VPS35L: variants seen among roughly 807,000 people sequenced by gnomAD.
VPS35L encodes VPS35 endosomal protein-sorting factor-like.
VPS35L carries 83 observed loss-of-function variants against 133.0 expected under a neutral mutation model. The ratio of observed to expected loss-of-function variants is 0.62; its 90% CI spans 0.52 to 0.75. The LOEUF (loss-of-function observed/expected upper bound fraction) is 0.75. Ranked by LOEUF, VPS35L falls within the 30% of genes least tolerant of loss-of-function variation. The pLI is 0.00. For synonymous variants in VPS35L, 423 were observed against 449.9 expected (o/e 0.94, Z 0.76); for missense variants, 1,083 against 1,206.8 (o/e 0.90, Z 1.52).
chr16:19,604,052 C>T (rs535235498), intron 9 of VPS35L, among the ~76,000 whole-genome samples: 1 of 152,030 alleles, frequency 6.6e-6, no homozygotes, highest in South Asian at 2.1e-4. Flanking sequence ...ATTTAATATA[C>T]ACTTGCCAGC....
intron 24 of VPS35L, among the ~76,000 whole-genome samples, chr16:19,649,830 A>G (rs1428051468): frequency 2.0e-5 from 3 of 152,210 alleles, no homozygotes; most frequent in East Asian, 1.9e-4. Flanking sequence ...TTTAGAAACT[A>G]TCTGGAAATC....
chr16:19,652,333 T>C (rs1456663202), intron 26 of VPS35L: 13 of 337,602 alleles, frequency 3.9e-5, no homozygotes, highest in East Asian at 2.6e-4. Context: ...ACAGCTAATG[T>C]TTTTATTTTT....
chr16:19,693,866 G>A (rs1975797877), intron 29 of VPS35L, among the ~76,000 whole-genome samples: 1 of 150,524 alleles, frequency 6.6e-6, no homozygotes, highest in Non-Finnish European at 1.5e-5. Flanking sequence ...GGAATTGAAG[G>A]CTGCGGCGGG....
chr16:19,634,488 G>A (rs1395212246), intron 19 of VPS35L, among the ~76,000 whole-genome samples: 1 of 151,764 alleles, frequency 6.6e-6, no homozygotes, highest in Non-Finnish European at 1.5e-5. Context: ...GCTTTTGAAG[G>A]GGCTCTCACT....
intron 9 of VPS35L, among the ~76,000 whole-genome samples, chr16:19,602,765 G>T (rs1972425577): frequency 6.6e-6 from 1 of 151,988 alleles, no homozygotes; most frequent in South Asian, 2.1e-4. Flanking sequence ...ACCACACCTG[G>T]CTAATTTTTG....
intron 29 of VPS35L, among the ~76,000 whole-genome samples, chr16:19,697,080 C>T (rs188713718): frequency 2.0e-5 from 3 of 152,076 alleles, no homozygotes; most frequent in East Asian, 1.9e-4. Flanking sequence ...AGCCAGTTTG[C>T]GAGTCCGTGC....
chr16:19,699,766 C>T lies in VPS35L; in HGVS notation c.2793+118C>T, dbSNP rs1244336192. The T allele has an allele frequency of 3.0e-6, 4 of 1,344,190 alleles. No homozygotes were observed. Among genetic ancestry groups the T allele is most frequent in the Non-Finnish European group, 4.1e-6 (4 of 977,722 alleles). 83.3% of individuals were successfully genotyped at this position (1,344,190 alleles called of 1,614,324 possible). The stretch of plus-strand genomic sequence containing the variant: ...ACCCCATACTCCCCTTTTAGAAAAG[C>T]ACTTGGTCCATTTCTACTGGATCAC... On this transcript the variant is annotated intron_variant, in intron 30 of 30. Transcript: ENST00000417362. The surrounding 1 kb of genome is among the most constrained non-coding windows in gnomAD (Gnocchi z 4.2).
chr16:19,575,995 A>T (rs1325747586), intron 5 of VPS35L, among the ~76,000 whole-genome samples: 1 of 136,510 alleles, frequency 7.3e-6, no homozygotes, highest in Non-Finnish European at 1.6e-5. Flanking sequence ...ATCTCTACTA[A>T]AAAAAAAAAA....
intron 8 of VPS35L, among the ~76,000 whole-genome samples, chr16:19,597,028 A>G (rs1972237583): frequency 7.3e-6 from 1 of 136,800 alleles, no homozygotes; most frequent in African/African-American, 2.5e-5. Context: ...CAGAAAAACA[A>G]TCAAACCAAC....
In VPS35L at chr16:19,608,429, A is replaced by G. The variant is rs9927026; in HGVS notation, c.881+155A>G. 5,305 of 617,862 alleles carry G rather than the reference A, an allele frequency of 8.6e-3. 232 individuals carry two copies. The African/African-American group carries it at 0.089, about 10-fold the overall frequency. The allele number at this position is 617,862 out of a possible 1,614,324, so 38.3% of individuals were successfully genotyped here. A position where few individuals can be genotyped will look rare whatever the true frequency, so the allele number is the denominator to read the frequency against. Reference sequence around the variant, plus strand: ...CCTGAAAACACATACAGGGCAAGCCACATTGTAGAAACCCTTGGACTCTTG... The same window carrying G: ...CCTGAAAACACATACAGGGCAAGCCGCATTGTAGAAACCCTTGGACTCTTG... On this transcript the variant is annotated intron_variant, in intron 10 of 30. Coordinates refer to ENST00000417362, the MANE Select transcript of VPS35L (RefSeq NM_020314.7).
intron 9 of VPS35L, among the ~76,000 whole-genome samples, chr16:19,606,647 C>T (rs1358988948): frequency 6.6e-6 from 1 of 152,178 alleles, no homozygotes; most frequent in African/African-American, 2.4e-5. Flanking sequence ...CCTTCATATA[C>T]TACCAAATGA....
chr16:19,555,773 T>A, intron 1 of VPS35L, 27 bp downstream of exon 1: 1 of 1,562,724 alleles, frequency 6.4e-7, no homozygotes, highest in Non-Finnish European at 8.7e-7. Flanking sequence ...GGGTGGGCTT[T>A]GGAGAGGGGC....
At chr16:19,626,117 A>G in intron 14 of VPS35L, 60 bp from the exon 15 acceptor site, 2 of 1,115,960 alleles carry the variant, frequency 1.8e-6, no homozygotes, top group South Asian at 3.0e-5. Context: ...AATCTCTTAG[A>G]AATGTTACTT....
chr16:19,685,712 G>T (rs1051844195), intron 28 of VPS35L, among the ~76,000 whole-genome samples: 1 of 152,170 alleles, frequency 6.6e-6, no homozygotes, highest in African/African-American at 2.4e-5. Context: ...TGTTCTAGGA[G>T]TGGAGTTTGC....
intron 19 of VPS35L, among the ~76,000 whole-genome samples, chr16:19,637,348 C>A (rs1364971184): frequency 6.6e-6 from 1 of 152,030 alleles, no homozygotes; most frequent in Non-Finnish European, 1.5e-5. Context: ...GTTACTTCCC[C>A]AGGACTATGA....
chr16:19,610,144 G>A (rs1195493705), intron 11 of VPS35L, among the ~76,000 whole-genome samples, 178 bp from the exon 12 acceptor site: 1 of 152,206 alleles, frequency 6.6e-6, no homozygotes, highest in African/African-American at 2.4e-5. Flanking sequence ...TGTATCAGAA[G>A]AGAAAGACTG....
At chr16:19,580,098 G>T (rs79029871) in intron 6 of VPS35L, among the ~76,000 whole-genome samples, 1 of 151,602 alleles carries the variant, frequency 6.6e-6, no homozygotes, top group Non-Finnish European at 1.5e-5. Context: ...TACTCAGGAG[G>T]CTGAAGTAGG....
chr16:19,609,122 G>A, intron 11 of VPS35L, 101 bp downstream of exon 11: 1 of 996,164 alleles, frequency 1.0e-6, no homozygotes, highest in Non-Finnish European at 1.6e-6. Flanking sequence ...TATTCACTGA[G>A]TACTTAATGT....
Position 19,642,418 on chromosome 16 carries a change from G to T in VPS35L, c.1807G>T (p.Asp603Tyr). The T allele has an allele frequency of 6.2e-7, 1 of 1,613,852 alleles. No individual in the cohort carries two copies. Among genetic ancestry groups the T allele is most frequent in the Non-Finnish European group, 8.5e-7 (1 of 1,179,820 alleles). Residue 603 changes from aspartate (D) to tyrosine (Y), a missense_variant, in exon 22 of 31, where the codon GAC becomes TAC. Transcript: ENST00000417362. Reference sequence around the variant, plus strand: ...TAGGCATCAACAAGAGCCCACCAAGGACCCGGTCATCTTGAATGCCCTTTT... The same window carrying T: ...TAGGCATCAACAAGAGCCCACCAAGTACCCGGTCATCTTGAATGCCCTTTT... Reference protein sequence around the residue: ...FIKHQQEPTKDPVILNALLHV... With the variant: ...FIKHQQEPTKYPVILNALLHV...
Sources: allele counts gnomAD v4.1 joint callset (sites outside exome capture counted in the v4.1 genomes callset), GRCh38; gene constraint gnomAD v4.1.1; non-coding constraint Gnocchi (gnomAD v3.1); transcripts MANE v1.5; gene names NCBI Gene and HGNC (gene_info 2026-07-23, HGNC 2026-07-21).